Variants in NRXN3 observed in about 807,000 individuals in gnomAD.
The protein encoded by NRXN3 is neurexin 3, also known as neurexin III.
NRXN3 carries 32 observed loss-of-function variants against 137.6 expected under a neutral mutation model. The ratio of observed to expected loss-of-function variants is 0.23; its 90% CI spans 0.18 to 0.31. The LOEUF (loss-of-function observed/expected upper bound fraction) is 0.31. Among genes scored for constraint, NRXN3 ranks in the 10% least tolerant of loss-of-function variants. The pLI, the probability that NRXN3 is intolerant of heterozygous loss-of-function variation, is 1.00. For missense variants in NRXN3, 1,574 were observed against 2,062.5 expected (o/e 0.76, Z 4.59); for synonymous variants, 798 against 784.5 (o/e 1.02, Z -0.29).
intron 8 of NRXN3, among the ~76,000 whole-genome samples, chr14:78,718,131 C>G (rs1448011294): frequency 6.6e-6 from 1 of 152,150 alleles, no homozygotes; most frequent in Non-Finnish European, 1.5e-5. Context: ...ACTCAGTTTG[C>G]CATTCTCTCT....
intron 4 of NRXN3, among the ~76,000 whole-genome samples, chr14:78,437,760 A>G (rs1239823618): frequency 6.6e-6 from 1 of 152,218 alleles, no homozygotes; most frequent in Non-Finnish European, 1.5e-5. Context: ...AAACTGTTCA[A>G]TTAGACTTTT....
chr14:79,766,970 G>A (rs2099058059), intron 19 of NRXN3, among the ~76,000 whole-genome samples: 1 of 152,114 alleles, frequency 6.6e-6, no homozygotes. Flanking sequence ...AGTGGTAGAT[G>A]GCAGAGACCC....
At chr14:78,990,392 G>A (rs562589688) in intron 15 of NRXN3, among the ~76,000 whole-genome samples, 22 of 115,346 alleles carry the variant, frequency 1.9e-4, no homozygotes, top group Non-Finnish European at 2.6e-4. Context: ...TTTTTGAGAC[G>A]GAGTCTCATT....
chr14:78,620,673 A>C lies in NRXN3; in HGVS notation c.758-24447A>C, dbSNP rs546462884. Among the ~76,000 whole-genome samples, 35 of 152,296 alleles carry C rather than the reference A, an allele frequency of 2.3e-4. No individual in the cohort carries two copies. In the South Asian group the frequency reaches 3.1e-3, roughly 14 times the overall value. On this transcript the variant is annotated intron_variant, in intron 4 of 20. Coordinates refer to ENST00000335750, the MANE Select transcript of NRXN3 (RefSeq NM_001330195.2). Reference sequence around the variant, plus strand: ...ATATTGAAACTCAAGTAAAATAATGATGCTGCTGCTGCTGATGATGATTTG... The same window carrying C: ...ATATTGAAACTCAAGTAAAATAATGCTGCTGCTGCTGCTGATGATGATTTG...
chr14:78,562,398 A>G (rs1001819736), intron 4 of NRXN3, among the ~76,000 whole-genome samples: 3 of 115,196 alleles, frequency 2.6e-5, no homozygotes, highest in Non-Finnish European at 5.2e-5. Flanking sequence ...TTATATCTCA[A>G]AAAAAAAAAA....
chr14:78,468,080 T>A (rs1280974825), intron 4 of NRXN3, among the ~76,000 whole-genome samples: 1 of 152,098 alleles, frequency 6.6e-6, no homozygotes, highest in African/African-American at 2.4e-5. Flanking sequence ...CCCGCCACCA[T>A]GCCTGGCTAA....
intron 10 of NRXN3, among the ~76,000 whole-genome samples, chr14:78,850,732 A>G (rs2099040333): frequency 6.6e-6 from 1 of 152,098 alleles, no homozygotes; most frequent in Non-Finnish European, 1.5e-5. Flanking sequence ...CCGAAATACC[A>G]CCACCGCTGG....
At chr14:78,844,311 C>T (rs369255786) in intron 10 of NRXN3, among the ~76,000 whole-genome samples, 3 of 152,078 alleles carry the variant, frequency 2.0e-5, no homozygotes, top group Admixed American at 1.3e-4. Flanking sequence ...TTTAATCATG[C>T]CTTTTGTCAT....
intron 16 of NRXN3, among the ~76,000 whole-genome samples, chr14:79,652,880 T>C (rs540752181): frequency 1.3e-5 from 2 of 152,080 alleles, no homozygotes. Flanking sequence ...AAAAAATTTT[T>C]GTTGCTTTTA....
At chr14:79,308,173 C>T (rs2086464751) in intron 15 of NRXN3, among the ~76,000 whole-genome samples, 1 of 149,770 alleles carries the variant, frequency 6.7e-6, no homozygotes, top group Non-Finnish European at 1.5e-5. Flanking sequence ...GGTGTTAGGA[C>T]TTAGGGGGTT....
At chr14:79,605,312 T>C (rs1363577733) in intron 16 of NRXN3, among the ~76,000 whole-genome samples, 1 of 152,176 alleles carries the variant, frequency 6.6e-6, no homozygotes, top group Non-Finnish European at 1.5e-5. Flanking sequence ...TTGAGTTCTA[T>C]GATCACACAC....
chr14:78,864,687 GC>G (rs1416804155), intron 10 of NRXN3, among the ~76,000 whole-genome samples: 1 of 152,158 alleles, frequency 6.6e-6, no homozygotes, highest in Non-Finnish European at 1.5e-5. Flanking sequence ...TGACATTGGA[GC>G]CTTTGAAGGG....
chr14:78,898,789 T>C (rs759063326), intron 10 of NRXN3, among the ~76,000 whole-genome samples: 3 of 152,024 alleles, frequency 2.0e-5, no homozygotes, highest in Non-Finnish European at 2.9e-5. Flanking sequence ...ACTTGGCCTA[T>C]TCATTTATCC....
At chr14:79,089,352 A>G (rs1008940952) in intron 15 of NRXN3, among the ~76,000 whole-genome samples, 3 of 152,134 alleles carry the variant, frequency 2.0e-5, no homozygotes, top group African/African-American at 7.2e-5. Flanking sequence ...TGCTTTGGTA[A>G]GAAGGTTGTT....
In NRXN3 at chr14:78,967,238, C is replaced by T. The variant is rs754653649; in HGVS notation, c.2808C>T (p.Asn936=). The T allele has an allele frequency of 2.0e-5, 33 of 1,611,336 alleles. No homozygotes were observed. The highest frequency in any genetic ancestry group is 6.7e-5 in the East Asian group (3 of 44,802). ...TACACTACGTTTTTGACCTCGGAAA[C>T]GGTCCCAATGTGATCAAAGGCAACA... ...GYIHYVFDLG[N]GPNVIKGNSD... is the part of the protein sequence containing the mutation. Residue 936 remains asparagine, a synonymous_variant, in exon 13 of 21, where the codon AAC becomes AAT. Coordinates refer to ENST00000335750, the MANE Select transcript of NRXN3 (RefSeq NM_001330195.2).
intron 10 of NRXN3, among the ~76,000 whole-genome samples, chr14:78,956,972 T>C (rs2099397970): frequency 6.6e-6 from 1 of 152,226 alleles, no homozygotes; most frequent in African/African-American, 2.4e-5. Context: ...CTTACTGCCA[T>C]TGGCATTTGA....
At chr14:79,780,028 C>T (rs549128214) in intron 19 of NRXN3, among the ~76,000 whole-genome samples, 1 of 152,226 alleles carries the variant, frequency 6.6e-6, no homozygotes, top group East Asian at 1.9e-4. Flanking sequence ...CCACGCCCAC[C>T]CTTCTCTATA....
At chr14:78,237,790 G>A (rs78242350) in intron 1 of NRXN3, among the ~76,000 whole-genome samples, 2,334 of 152,214 alleles carry the variant, frequency 0.015, 31 homozygotes, top group Non-Finnish European at 0.021. Context: ...TGGGGTGAGG[G>A]GAGCAGTGAA....
chr14:78,966,004 C>T (rs199732175), intron 11 of NRXN3, 21 bp from the exon 12 acceptor site: 1 of 1,605,442 alleles, frequency 6.2e-7, no homozygotes, highest in Non-Finnish European at 8.5e-7. Flanking sequence ...TCTGTTTGTA[C>T]CTCATTTACA....
Sources: gnomAD v4.1 joint callset for allele counts (sites outside exome capture counted in the v4.1 genomes callset) on GRCh38, gnomAD v4.1.1 for gene constraint, MANE v1.5 for transcripts, NCBI Gene and HGNC (gene_info 2026-07-23, HGNC 2026-07-21) for gene names.